ERICH6B: variants seen among roughly 807,000 people sequenced by gnomAD.
ERICH6B encodes the protein glutamate rich 6B, also known as glutamate-rich protein 6B.
A neutral mutation model predicts 80.0 loss-of-function variants in ERICH6B; 69 were observed. That is an observed-to-expected ratio of 0.86 (90% CI 0.71 to 1.05). The LOEUF is 1.05. Among genes scored for constraint, ERICH6B ranks in the 50% least tolerant of loss-of-function variants. The pLI, the probability that ERICH6B is intolerant of heterozygous loss-of-function variation, is 0.00. For synonymous variants in ERICH6B, 283 were observed against 291.9 expected (o/e 0.97, Z 0.31); for missense variants, 754 against 796.1 (o/e 0.95, Z 0.64).
In ERICH6B at chr13:45,579,959, T is replaced by A. The variant is rs1195039288; in HGVS notation, c.935A>T (p.Lys312Ile). ...KLAPEEHVNT[K>I]VQQKKEENVL... ...ATTTTCTTCCTTTTTTTGCTGTACT[T>A]TAGTGTTAACATGCTCTAAAAAAGA... is the stretch of plus-strand genomic sequence containing the variant. The change falls in exon 7 of 15, where the codon AAA becomes ATA. Residue 312 changes from lysine to isoleucine, a missense_variant. Physicochemically the swap from Lys to Ile is moderately radical, Grantham distance 102 (BLOSUM62 -3). Coordinates refer to ENST00000298738, the MANE Select transcript of ERICH6B (RefSeq NM_182542.3). The A allele has an allele frequency of 1.3e-6, 2 of 1,551,026 alleles. No individual in the cohort carries two copies. Among genetic ancestry groups the A allele is most frequent in the South Asian group, 2.4e-5 (2 of 84,046 alleles).
rs1566303481 is a variant in ERICH6B, at chr13:45,596,444, G to A, written c.562C>T (p.Leu188=). The A allele has an allele frequency of 1.3e-6, 2 of 1,551,462 alleles. No individual in the cohort carries two copies. The highest frequency in any genetic ancestry group is 1.7e-6 in the Non-Finnish European group (2 of 1,146,700). ...EEKALEKEEN[L]EEEEALEKEE... ...TTCTCCAGAGCTTCTTCCTCCTCCA[G>A]ATTCTCTTCCTTCTCCAGAGCCTTT... is the stretch of plus-strand genomic sequence containing the variant. The change falls in exon 3 of 15, where the codon CTG becomes TTG. Residue 188 remains leucine, a synonymous_variant. Coordinates refer to ENST00000298738, the MANE Select transcript of ERICH6B (RefSeq NM_182542.3).
chr13:45,563,589 GACC>G lies in ERICH6B; in HGVS notation c.1249+135_1249+137del, dbSNP rs1593781379. 3 of 788,818 alleles carry G rather than the reference GACC, an allele frequency of 3.8e-6. No individual in the cohort carries two copies. The East Asian group carries it at 8.1e-5, about 21-fold the overall frequency. 48.9% of individuals were successfully genotyped at this position (788,818 alleles called of 1,614,324 possible). On this transcript the variant is annotated intron_variant, in intron 10 of 14. Transcript: ENST00000298738. ...TCGGTATTTCATCCCTGGCAGCCAG[GACC>G]ACATCAGCCCTGTAGGCACTGAAGT... is the stretch of plus-strand genomic sequence containing the variant.
At position 45,541,376 on chromosome 13, in the gene ERICH6B, C is replaced by A; in HGVS notation, c.*86G>T. 1 of 1,189,814 alleles carries A rather than the reference C, an allele frequency of 8.4e-7. No homozygotes were observed. Among genetic ancestry groups the A allele is most frequent in the Non-Finnish European group, 1.2e-6 (1 of 841,338 alleles). 73.7% of individuals were successfully genotyped at this position (1,189,814 alleles called of 1,614,324 possible). A position where few individuals can be genotyped will look rare whatever the true frequency, so the allele number is the denominator to read the frequency against. ...TTACAAACCAACTCTCATAAAAGGT[C>A]AACAGGTCTTTGGGTTTTTTTTCCC... On this transcript the variant is annotated 3_prime_UTR_variant, in exon 15 of 15. Coordinates refer to ENST00000298738, the MANE Select transcript of ERICH6B (RefSeq NM_182542.3).
chr13:45,571,123 C>A (rs1442396656), intron 8 of ERICH6B, among the ~76,000 whole-genome samples: 1 of 152,186 alleles, frequency 6.6e-6, no homozygotes, highest in East Asian at 1.9e-4. Context: ...GCCATATGTG[C>A]TGCCACAGCA....
At chr13:45,590,584 G>C in intron 4 of ERICH6B, 65 bp downstream of exon 4, 1 of 1,452,534 alleles carries the variant, frequency 6.9e-7, no homozygotes, top group Non-Finnish European at 9.4e-7. Context: ...GTTCTCCAAG[G>C]GCTGCTGAAA....
chr13:45,559,964 A>G lies in ERICH6B; in HGVS notation c.1407+1405T>C, dbSNP rs563197824. Among the ~76,000 whole-genome samples the G allele has an allele frequency of 1.4e-3, 218 of 152,296 alleles. 1 individual carries two copies. The highest frequency in any genetic ancestry group is 1.8e-3 in the Non-Finnish European group (122 of 68,024). On this transcript the variant is annotated intron_variant, in intron 11 of 14. Coordinates refer to ENST00000298738, the MANE Select transcript of ERICH6B (RefSeq NM_182542.3). Reference sequence around the variant, plus strand: ...GTTTCTTTGTTGACTTCTTGTCTTGATGACCTGTCTAGTGCTGTCAGTGGA... The same window carrying G: ...GTTTCTTTGTTGACTTCTTGTCTTGGTGACCTGTCTAGTGCTGTCAGTGGA...
At chr13:45,606,299 T>C (rs1817634399) in intron 2 of ERICH6B, among the ~76,000 whole-genome samples, 2 of 151,762 alleles carry the variant, frequency 1.3e-5, no homozygotes, top group South Asian at 4.2e-4. Flanking sequence ...TGATAATTGT[T>C]ATAACAGATG....
chr13:45,610,073 G>A (rs928255688), intron 1 of ERICH6B, among the ~76,000 whole-genome samples: 8 of 152,146 alleles, frequency 5.3e-5, no homozygotes, highest in African/African-American at 1.7e-4. Context: ...GAGAGAGGAG[G>A]CTGAATTCTG....
chr13:45,612,172 T>C (rs559336784), intron 1 of ERICH6B, among the ~76,000 whole-genome samples: 2 of 152,306 alleles, frequency 1.3e-5, no homozygotes, highest in South Asian at 4.1e-4. Context: ...CCAGACCTTA[T>C]CCAATGTGCT....
intron 9 of ERICH6B, 65 bp downstream of exon 9, chr13:45,568,250 C>T: frequency 6.9e-7 from 1 of 1,451,914 alleles, no homozygotes; most frequent in Non-Finnish European, 9.1e-7. Context: ...TTTACACTTT[C>T]CCTGCTGCCA....
At chr13:45,581,753 G>A (rs1875682038) in intron 5 of ERICH6B, among the ~76,000 whole-genome samples, 1 of 152,208 alleles carries the variant, frequency 6.6e-6, no homozygotes, top group Non-Finnish European at 1.5e-5. Context: ...GCTTATGGGA[G>A]TGTCCTAAAT....
intron 5 of ERICH6B, among the ~76,000 whole-genome samples, chr13:45,585,042 GT>G (rs1875841372): frequency 6.6e-6 from 1 of 152,154 alleles, no homozygotes; most frequent in South Asian, 2.1e-4. Flanking sequence ...GCCAGCCTGT[GT>G]TTTACACCAA....
chr13:45,595,475 C>T (rs1162842526), intron 3 of ERICH6B, among the ~76,000 whole-genome samples: 1 of 151,322 alleles, frequency 6.6e-6, no homozygotes, highest in Non-Finnish European at 1.5e-5. Flanking sequence ...AAGCATGATC[C>T]TTTTATAAAA....
intron 8 of ERICH6B, among the ~76,000 whole-genome samples, chr13:45,569,152 G>A (rs569516648): frequency 6.6e-6 from 1 of 152,056 alleles, no homozygotes; most frequent in South Asian, 2.1e-4. Context: ...TTAAGATGGA[G>A]TTTCACTCTG....
intron 2 of ERICH6B, among the ~76,000 whole-genome samples, chr13:45,606,536 TATA>T (rs1949865361): frequency 3.4e-3 from 57 of 16,782 alleles, no homozygotes; most frequent in Middle Eastern, 0.028. Context: ...TATATATATA[TATA>T]TATATATATT....
At chr13:45,587,298 G>C in intron 4 of ERICH6B, 66 bp from the exon 5 acceptor site, 1 of 1,438,204 alleles carries the variant, frequency 7.0e-7, no homozygotes, top group African/African-American at 1.4e-5. Flanking sequence ...CCCTTCTAAG[G>C]CATGTTAGGG....
intron 5 of ERICH6B, among the ~76,000 whole-genome samples, chr13:45,581,455 C>A (rs913290826): frequency 2.6e-5 from 4 of 152,208 alleles, no homozygotes; most frequent in African/African-American, 9.7e-5. Flanking sequence ...CCGCTTACTG[C>A]AACCTCCGCC....
chr13:45,613,895 G>A (rs534937408), intron 1 of ERICH6B, among the ~76,000 whole-genome samples: 2 of 152,304 alleles, frequency 1.3e-5, no homozygotes, highest in African/African-American at 2.4e-5. Context: ...GAGACCAATC[G>A]GTGTTGGGCT....
intron 14 of ERICH6B, 51 bp from the exon 15 acceptor site, chr13:45,541,731 G>A (rs1873787580): frequency 3.3e-6 from 5 of 1,516,122 alleles, no homozygotes; most frequent in Non-Finnish European, 4.5e-6. Context: ...CCTGAGCACG[G>A]TGCCCCAGAC....
Sources: allele counts gnomAD v4.1 joint callset (sites outside exome capture counted in the v4.1 genomes callset), GRCh38; gene constraint gnomAD v4.1.1; transcripts MANE v1.5; gene names NCBI Gene and HGNC (gene_info 2026-07-23, HGNC 2026-07-21).